The following SHOC1 variants were observed in gnomAD, a reference collection of about 807,000 sequenced individuals.
SHOC1 encodes protein shortage in chiasmata 1 ortholog.
A neutral mutation model predicts 179.2 loss-of-function variants in SHOC1; 136 were observed. The ratio of observed to expected loss-of-function variants is 0.76; its 90% CI spans 0.66 to 0.87. The LOEUF (loss-of-function observed/expected upper bound fraction) is 0.87. Among genes scored for constraint, SHOC1 ranks in the 40% least tolerant of loss-of-function variants. The probability of loss-of-function intolerance (pLI) is 0.00; values close to 1 mark genes in which losing one functional copy is unlikely to be tolerated. For synonymous variants in SHOC1, 489 were observed against 586.6 expected (o/e 0.83, Z 2.41); for missense variants, 1,538 against 1,700.8 (o/e 0.90, Z 1.68).
intron 8 of SHOC1, among the ~76,000 whole-genome samples, chr9:111,749,633 C>T (rs1183392422): frequency 6.6e-6 from 1 of 152,046 alleles, no homozygotes; most frequent in Non-Finnish European, 1.5e-5. Flanking sequence ...GGTATTAAGC[C>T]CAGCATCCAT....
intron 8 of SHOC1, among the ~76,000 whole-genome samples, chr9:111,751,007 A>G (rs1002908493): frequency 6.6e-6 from 1 of 151,850 alleles, no homozygotes; most frequent in Non-Finnish European, 1.5e-5. Flanking sequence ...ATCCATCTTG[A>G]GTTAATTCTT....
Position 111,693,918 on chromosome 9 carries a change from T to C in SHOC1, c.3346A>G (p.Ile1116Val), listed in dbSNP as rs370130163. 42 of 1,611,640 alleles carry C rather than the reference T, an allele frequency of 2.6e-5. No homozygotes were observed. Among genetic ancestry groups the C allele is most frequent in the Non-Finnish European group, 3.5e-5 (41 of 1,178,354 alleles). The stretch of plus-strand genomic sequence containing the variant: ...ATGAGCTGAGCCACCAATGGGTTAA[T>C]ACATGGAAAATCAAGTAAGTACATT... ...EEMYLLDFPC[I>V]NPLVAQLMLN... Residue 1116 changes from isoleucine (I) to valine (V), a missense_variant, in exon 26 of 28, where the codon ATT becomes GTT. By Grantham distance (29) the Ile-to-Val change is conservative (BLOSUM62 3). Transcript: ENST00000682961.
chr9:111,696,302 G>C (rs1831686422), intron 24 of SHOC1, among the ~76,000 whole-genome samples: 1 of 152,130 alleles, frequency 6.6e-6, no homozygotes. Flanking sequence ...ATAAAAAGGT[G>C]CTAATGGTCC....
chr9:111,758,632 G>T, intron 6 of SHOC1, 63 bp downstream of exon 6: 5 of 1,381,336 alleles, frequency 3.6e-6, no homozygotes, highest in South Asian at 2.9e-5. Flanking sequence ...CTAAGCTTGT[G>T]ATCATACTAA....
intron 18 of SHOC1, among the ~76,000 whole-genome samples, chr9:111,708,780 TA>T (rs1589389520): frequency 6.6e-6 from 1 of 152,180 alleles, no homozygotes; most frequent in East Asian, 1.9e-4. Context: ...CAAAATATAA[TA>T]AATTTCAAAA....
chr9:111,776,198 C>T (rs1369601633), intron 4 of SHOC1, among the ~76,000 whole-genome samples: 2 of 111,204 alleles, frequency 1.8e-5, no homozygotes, highest in African/African-American at 6.9e-5. Context: ...TATTCTATAA[C>T]CTGTTCTTTT....
intron 13 of SHOC1, 92 bp downstream of exon 13, chr9:111,727,541 G>T: frequency 8.8e-7 from 1 of 1,134,382 alleles, no homozygotes; most frequent in South Asian, 2.2e-5. Context: ...ATTTTATCTA[G>T]AAGAACTTTA....
intron 8 of SHOC1, among the ~76,000 whole-genome samples, chr9:111,748,749 T>C: frequency 2.2e-5 from 1 of 45,472 alleles, no homozygotes. Context: ...GCCTTCCTTT[T>C]TTCCTTCCTT....
At chr9:111,769,991 T>TTTTTTTTTTTTTTTTTTTTTTTTTG (rs1835527802) in intron 5 of SHOC1, among the ~76,000 whole-genome samples, 1 of 142,926 alleles carries the variant, frequency 7.0e-6, no homozygotes, top group Non-Finnish European at 1.5e-5. Context: ...TTTTTGTTTT[T>TTTTTTTTTTTTTTTTTTTTTTTTTG]TTTTTTTTTT....
At chr9:111,788,236 A>G (rs1386796131) in intron 2 of SHOC1, among the ~76,000 whole-genome samples, 1 of 6,506 alleles carries the variant, frequency 1.5e-4, no homozygotes, top group East Asian at 0.023. Flanking sequence ...AAATGAGAAT[A>G]AAAAAAAAAA....
intron 5 of SHOC1, among the ~76,000 whole-genome samples, chr9:111,765,408 G>C (rs1011252150): frequency 2.6e-5 from 4 of 152,146 alleles, no homozygotes; most frequent in African/African-American, 9.6e-5. Context: ...GACCAGCCTG[G>C]CCAACATGGG....
In SHOC1 at chr9:111,701,304, G is replaced by A. The variant is rs572515616; in HGVS notation, c.3089+801C>T. Among the ~76,000 whole-genome samples, 3 of 152,166 alleles carry A rather than the reference G, an allele frequency of 2.0e-5. No individual in the cohort carries two copies. In the South Asian group the frequency reaches 6.2e-4, roughly 32 times the overall value. ...TAATTCTCTAAAAATATGAATCTGA[G>A]ATATCTAGAGGTCTGAAATCATTAT... On this transcript the variant is annotated intron_variant, in intron 23 of 27. Coordinates refer to ENST00000682961, the MANE Select transcript of SHOC1 (RefSeq NM_001378211.1).
rs749831054 is a variant in SHOC1, at chr9:111,741,467, A to C, written c.1174+9T>G. ...TTCTATTTATCACTTAAAGGCAATT[A>C]ATCTTTACCTGTAAGCAAAAATGGG... is the stretch of plus-strand genomic sequence containing the variant. On this transcript the variant is annotated intron_variant, in intron 11 of 27. Transcript: ENST00000682961. The C allele has an allele frequency of 6.5e-7, 1 of 1,535,754 alleles. No homozygotes were observed. The highest frequency in any genetic ancestry group is 9.0e-7 in the Non-Finnish European group (1 of 1,112,152).
chr9:111,700,126 A>T (rs1831900264), intron 23 of SHOC1, 79 bp from the exon 24 acceptor site: 1 of 818,504 alleles, frequency 1.2e-6, no homozygotes, highest in Non-Finnish European at 1.8e-6. Flanking sequence ...TGTTTTCCAC[A>T]TTTCATAATA....
chr9:111,793,820 A>AGAT (rs200119496), intron 1 of SHOC1, among the ~76,000 whole-genome samples: 2,528 of 151,896 alleles, frequency 0.017, 21 homozygotes, highest in Non-Finnish European at 0.026. Flanking sequence ...AGCTTTCCCA[A>AGAT]GATGATGATG....
chr9:111,736,131 C>A (rs1300504823), intron 12 of SHOC1, among the ~76,000 whole-genome samples: 2 of 152,148 alleles, frequency 1.3e-5, no homozygotes, highest in African/African-American at 4.8e-5. Context: ...GTTAAAATGA[C>A]CAGACTGCCC....
At chr9:111,791,984 G>C (rs1227215710) in intron 1 of SHOC1, among the ~76,000 whole-genome samples, 1 of 152,160 alleles carries the variant, frequency 6.6e-6, no homozygotes, top group South Asian at 2.1e-4. Context: ...ACTCTGTGCT[G>C]AAACAGTGGA....
At chr9:111,700,084 G>T in intron 23 of SHOC1, 37 bp from the exon 24 acceptor site, 1 of 1,019,742 alleles carries the variant, frequency 9.8e-7, no homozygotes. Context: ...CTATTCATTT[G>T]ATATCAGATT....
chr9:111,731,275 A>G (rs1004071745), intron 12 of SHOC1, among the ~76,000 whole-genome samples: 3 of 152,168 alleles, frequency 2.0e-5, no homozygotes, highest in Non-Finnish European at 4.4e-5. Flanking sequence ...CTTTGCATTC[A>G]CAACTTGGCA....
Sources: allele counts gnomAD v4.1 joint callset (sites outside exome capture counted in the v4.1 genomes callset), GRCh38; gene constraint gnomAD v4.1.1; transcripts MANE v1.5; gene names NCBI Gene and HGNC (gene_info 2026-07-23, HGNC 2026-07-21).